SUMF1: variants seen among roughly 807,000 people sequenced by gnomAD.
The protein encoded by SUMF1 is formylglycine-generating enzyme.
A neutral mutation model predicts 47.6 loss-of-function variants in SUMF1; 48 were observed. The ratio of observed to expected loss-of-function variants is 1.01; its 90% CI spans 0.80 to 1.28. The LOEUF (loss-of-function observed/expected upper bound fraction) is 1.28, where lower values mean the gene tolerates loss of function less well. SUMF1 is among the 50% of genes most tolerant of loss of function. The pLI, the probability that SUMF1 is intolerant of heterozygous loss-of-function variation, is 0.00. For synonymous variants in SUMF1, 230 were observed against 192.1 expected, an observed-to-expected ratio of 1.20 and a Z score of -1.63; for missense variants, 571 against 485.4, an observed-to-expected ratio of 1.18 and a Z score of -1.66.
intron 8 of SUMF1, among the ~76,000 whole-genome samples, chr3:4,259,748 T>G (rs557481041): frequency 1.3e-5 from 2 of 152,290 alleles, no homozygotes; most frequent in African/African-American, 4.8e-5. Context: ...AGGCAATTTT[T>G]AAAATAAATA....
intron 8 of SUMF1, among the ~76,000 whole-genome samples, chr3:4,078,743 A>T (rs1298818041): frequency 1.1e-5 from 1 of 87,452 alleles, no homozygotes; most frequent in Non-Finnish European, 3.0e-5. Flanking sequence ...CCCCATCTCT[A>T]AAAAAAAAAA....
chr3:4,237,487 T>C (rs1361844662), intron 8 of SUMF1, among the ~76,000 whole-genome samples: 1 of 152,178 alleles, frequency 6.6e-6, no homozygotes, highest in Non-Finnish European at 1.5e-5. Context: ...GTTCATTTTC[T>C]TATTCCTGAG....
At chr3:4,208,670 G>A (rs147231887) in intron 8 of SUMF1, among the ~76,000 whole-genome samples, 1 of 152,050 alleles carries the variant, frequency 6.6e-6, no homozygotes, top group Non-Finnish European at 1.5e-5. Context: ...CAAAAACACT[G>A]TAGTAGAAAT....
chr3:4,145,464 G>A (rs1236167280), intron 8 of SUMF1, among the ~76,000 whole-genome samples: 1 of 152,044 alleles, frequency 6.6e-6, no homozygotes, highest in Non-Finnish European at 1.5e-5. Context: ...CTACCTCTCT[G>A]CAATTCATAT....
Position 4,217,514 on chromosome 3 carries a change from T to TATATATATA in SUMF1, c.1015-148770_1015-148769insTATATATAT, listed in dbSNP as rs1553610066. Among the ~76,000 whole-genome samples, 156 of 45,188 alleles carry TATATATATA rather than the reference T, an allele frequency of 3.5e-3. 16 individuals carry two copies. The highest frequency in any genetic ancestry group is 4.9e-3 in the Non-Finnish European group (116 of 23,572). 29.6% of individuals were successfully genotyped at this position (45,188 alleles called of 152,430 possible). ...TGTATCCCAGAACTTAAAGTATTTT[T>TATATATATA]TATATATATATATATATATATATAT... is the stretch of plus-strand genomic sequence containing the variant. On this transcript the variant is annotated intron_variant and NMD_transcript_variant, in intron 8 of 12. Coordinates refer to the SUMF1 transcript ENST00000448413.
downstream of SUMF1, among the ~76,000 whole-genome samples, chr3:4,358,587 C>G (rs980838819): frequency 1.3e-5 from 2 of 152,082 alleles, no homozygotes; most frequent in African/African-American, 2.4e-5. Flanking sequence ...TAAAGAAAAC[C>G]TTAGCAATAT....
At chr3:4,390,377 C>G (rs964402) in intron 7 of SUMF1, among the ~76,000 whole-genome samples, 2 of 152,140 alleles carry the variant, frequency 1.3e-5, no homozygotes, top group Admixed American at 6.5e-5. Context: ...AGACTCCCCA[C>G]TCAGCCTTTG....
chr3:4,166,555 C>A (rs1178477502), intron 8 of SUMF1, among the ~76,000 whole-genome samples: 1 of 152,088 alleles, frequency 6.6e-6, no homozygotes, highest in Non-Finnish European at 1.5e-5. Context: ...AGAAATCATT[C>A]TTATAGGAGA....
At chr3:4,035,644 T>C (rs1210493573) in intron 9 of SUMF1, among the ~76,000 whole-genome samples, 4 of 150,862 alleles carry the variant, frequency 2.7e-5, no homozygotes, top group South Asian at 2.1e-4. Flanking sequence ...GGCTGTATGA[T>C]AGATAGACAG....
rs374226270 is a variant in SUMF1, at chr3:4,100,216, G to A, written c.1015-31471C>T. Among the ~76,000 whole-genome samples, 104 of 151,770 alleles carry A rather than the reference G, an allele frequency of 6.9e-4. 2 individuals are homozygous for A. The highest frequency in any genetic ancestry group is 2.3e-3 in the African/African-American group (96 of 41,392). Reference sequence around the variant, plus strand: ...CTAAAATTCATATGGAACCACAAAAGACACTGAAAAGCCAAAGCAATCGTG... The same window carrying A: ...CTAAAATTCATATGGAACCACAAAAAACACTGAAAAGCCAAAGCAATCGTG... On this transcript the variant is annotated intron_variant and NMD_transcript_variant, in intron 8 of 12. Coordinates refer to the SUMF1 transcript ENST00000448413.
chr3:4,332,833 G>A (rs965028500), intron 8 of SUMF1, among the ~76,000 whole-genome samples: 2 of 152,096 alleles, frequency 1.3e-5, no homozygotes, highest in Non-Finnish European at 2.9e-5. Flanking sequence ...TTTAGTACTC[G>A]AAAAGTTGCC....
intron 7 of SUMF1, among the ~76,000 whole-genome samples, chr3:4,397,168 T>C (rs1701065149): frequency 2.0e-5 from 3 of 152,220 alleles, no homozygotes; most frequent in Non-Finnish European, 2.9e-5. Flanking sequence ...CAATTTCAGA[T>C]GGATTAGATC....
intron 8 of SUMF1, among the ~76,000 whole-genome samples, chr3:4,164,594 C>T (rs1559526451): frequency 6.6e-6 from 1 of 152,102 alleles, no homozygotes; most frequent in Non-Finnish European, 1.5e-5. Flanking sequence ...TTGGCCTGCT[C>T]CATTTTCTGT....
chr3:4,303,516 C>T (rs1374827094), intron 8 of SUMF1: 3 of 1,433,326 alleles, frequency 2.1e-6, no homozygotes, highest in African/African-American at 1.5e-5. Context: ...GCCGCGCCGG[C>T]GCCCTTCCAG....
chr3:4,186,081 T>G (rs1695195061), intron 8 of SUMF1, among the ~76,000 whole-genome samples: 1 of 152,182 alleles, frequency 6.6e-6, no homozygotes, highest in African/African-American at 2.4e-5. Flanking sequence ...TCACTGGGGA[T>G]AGAGTCATTT....
intron 8 of SUMF1, among the ~76,000 whole-genome samples, chr3:4,322,535 C>T (rs1167887360): frequency 2.0e-5 from 3 of 151,938 alleles, no homozygotes; most frequent in African/African-American, 4.8e-5. Flanking sequence ...GCCTGCATGC[C>T]TTCAGTCCAA....
chr3:4,084,969 A>G (rs895753198), intron 8 of SUMF1, among the ~76,000 whole-genome samples: 6 of 152,036 alleles, frequency 3.9e-5, no homozygotes, highest in African/African-American at 1.2e-4. Context: ...TCAATGAAAT[A>G]TCAGCTTTAC....
chr3:4,451,471 A>G (rs760443777), intron 2 of SUMF1, among the ~76,000 whole-genome samples: 1 of 152,198 alleles, frequency 6.6e-6, no homozygotes, highest in Non-Finnish European at 1.5e-5. Context: ...AAGTAATGAC[A>G]AAAACCGTAA....
intron 3 of SUMF1, among the ~76,000 whole-genome samples, chr3:4,441,778 T>C (rs1702595539): frequency 6.6e-6 from 1 of 152,200 alleles, no homozygotes; most frequent in African/African-American, 2.4e-5. Context: ...ACACAAACTC[T>C]GAAAGCTAGC....
Sources: allele counts gnomAD v4.1 joint callset (sites outside exome capture counted in the v4.1 genomes callset), GRCh38; gene constraint gnomAD v4.1.1; transcripts MANE v1.5; gene names NCBI Gene and HGNC (gene_info 2026-07-23, HGNC 2026-07-21).